The following LAMA1 variants were observed in gnomAD, a reference collection of about 807,000 sequenced individuals.
LAMA1 encodes the protein laminin subunit alpha-1.
A neutral mutation model predicts 348.7 loss-of-function variants in LAMA1; 219 were observed. The ratio of observed to expected loss-of-function variants is 0.63; its 90% confidence interval spans 0.56 to 0.70. LAMA1 has a LOEUF of 0.70. Ranked by LOEUF, LAMA1 falls within the 30% of genes least tolerant of loss-of-function variation. The probability of loss-of-function intolerance (pLI) is 0.00; values close to 1 mark genes in which losing one functional copy is unlikely to be tolerated. For missense variants in LAMA1, 3,744 were observed against 3,888.0 expected (o/e 0.96, Z 0.99); for synonymous variants, 1,487 against 1,491.0 (o/e 1.00, Z 0.06).
intron 3 of LAMA1, among the ~76,000 whole-genome samples, chr18:7,056,698 C>T (rs9963821): frequency 0.24 from 37,139 of 152,014 alleles, 5,760 homozygotes; most frequent in African/African-American, 0.45. Context: ...CTACATTCAC[C>T]TGGAGACCGG....
intron 30 of LAMA1, among the ~76,000 whole-genome samples, chr18:7,000,559 C>G (rs1447275542): frequency 1.3e-5 from 2 of 152,194 alleles, no homozygotes; most frequent in Non-Finnish European, 2.9e-5. Context: ...AATGACAGAG[C>G]CTCTCAAAGT....
At chr18:6,966,664 A>G (rs2057634767) in intron 48 of LAMA1, among the ~76,000 whole-genome samples, 1 of 152,150 alleles carries the variant, frequency 6.6e-6, no homozygotes, top group Non-Finnish European at 1.5e-5. Context: ...TTTTATATTG[A>G]CATTTTCACT....
chr18:7,013,258 C>G (rs1358004035), intron 23 of LAMA1, among the ~76,000 whole-genome samples: 1 of 152,052 alleles, frequency 6.6e-6, no homozygotes, highest in Non-Finnish European at 1.5e-5. Flanking sequence ...TCCAGTCACC[C>G]ATCAGCTCAT....
intron 1 of LAMA1, among the ~76,000 whole-genome samples, chr18:7,092,541 C>T (rs948470347): frequency 6.6e-6 from 1 of 150,762 alleles, no homozygotes; most frequent in African/African-American, 2.4e-5. Context: ...AGGAGAATCA[C>T]TTGAACCCAG....
At chr18:6,979,367 C>T (rs1167459385) in intron 42 of LAMA1, among the ~76,000 whole-genome samples, 1 of 151,812 alleles carries the variant, frequency 6.6e-6, no homozygotes, top group African/African-American at 2.4e-5. Flanking sequence ...TCAAAAGATG[C>T]TTATTAAGAA....
At chr18:6,988,895 G>A (rs11660261) in intron 36 of LAMA1, among the ~76,000 whole-genome samples, 2,927 of 137,786 alleles carry the variant, frequency 0.021, 32 homozygotes, top group Middle Eastern at 0.056. Flanking sequence ...ACAATAATCC[G>A]AAGTGTACAG....
chr18:6,952,606 G>C (rs1600343239), intron 57 of LAMA1, among the ~76,000 whole-genome samples: 1 of 152,200 alleles, frequency 6.6e-6, no homozygotes, highest in East Asian at 1.9e-4. Context: ...AGTCAACTGA[G>C]GTCTGAAAAT....
chr18:6,997,634 G>C (rs2057787697), intron 33 of LAMA1, 108 bp downstream of exon 33: 1 of 1,194,268 alleles, frequency 8.4e-7, no homozygotes, highest in Non-Finnish European at 1.2e-6. Context: ...GATGGAAGTT[G>C]GGCTCTCACA....
intron 1 of LAMA1, among the ~76,000 whole-genome samples, chr18:7,103,337 G>A (rs557893695): frequency 7.9e-5 from 12 of 152,006 alleles, no homozygotes; most frequent in South Asian, 4.2e-4. Flanking sequence ...CCCAGGAGGC[G>A]GAGCTTGCAG....
At chr18:6,990,516 C>T (rs185245599) in intron 36 of LAMA1, among the ~76,000 whole-genome samples, 2 of 152,262 alleles carry the variant, frequency 1.3e-5, no homozygotes, top group East Asian at 1.9e-4. Context: ...TCCTGGGAAG[C>T]CCTGGTTGGA....
intron 3 of LAMA1, among the ~76,000 whole-genome samples, chr18:7,070,738 T>C (rs1448630346): frequency 1.3e-5 from 2 of 152,154 alleles, no homozygotes; most frequent in Non-Finnish European, 2.9e-5. Context: ...TTATTTTCAA[T>C]GCCATAGGGA....
At chr18:7,009,068 G>T (rs2057846635) in intron 27 of LAMA1, among the ~76,000 whole-genome samples, 171 bp downstream of exon 27, 1 of 152,112 alleles carries the variant, frequency 6.6e-6, no homozygotes, top group Non-Finnish European at 1.5e-5. Flanking sequence ...GATACTTTAA[G>T]TTATAATTCG....
Position 7,010,194 on chromosome 18 carries a change from T to C in LAMA1, c.3873+6A>G. On this transcript the variant is annotated splice_donor_region_variant and intron_variant, in intron 26 of 62. Coordinates refer to ENST00000389658, the MANE Select transcript of LAMA1 (RefSeq NM_005559.4). ...AGGAACTTCTATGAAAAGATCCCAT[T>C]ATCACCTCTCTCATTGCTACTTCTT... 2 of 1,614,014 alleles carry C rather than the reference T, an allele frequency of 1.2e-6. No homozygotes were observed. The highest frequency in any genetic ancestry group is 1.7e-6 in the Non-Finnish European group (2 of 1,179,896).
intron 16 of LAMA1, among the ~76,000 whole-genome samples, 165 bp downstream of exon 16, chr18:7,031,901 A>C (rs955866271): frequency 6.6e-6 from 1 of 151,352 alleles, no homozygotes; most frequent in African/African-American, 2.4e-5. Flanking sequence ...AAAAAAAAAA[A>C]CGGGAAACAT....
rs776974906 is a variant in LAMA1 at position 7,012,042 on chromosome 18, C to T, written c.3460G>A (p.Gly1154Arg). The T allele has an allele frequency of 1.8e-5, 29 of 1,611,222 alleles. No individual in the cohort carries two copies. The highest frequency in any genetic ancestry group is 2.5e-5 in the Non-Finnish European group (29 of 1,178,616). ...AGCTCTGAGCAGAGGTGGGACAGCC[C>T]GGAGCAGAAGCACGGGCTGCAGCCC... ...PLGCSPCFCS[G>R]LSHLCSELED... Residue 1154 changes from glycine (G) to arginine (R), a missense_variant, in exon 24 of 63, where the codon GGG becomes AGG. Physicochemically the swap from Gly to Arg is moderately radical, Grantham distance 125. Transcript: ENST00000389658.
chr18:6,987,093 A>G (rs140036417), intron 36 of LAMA1, among the ~76,000 whole-genome samples: 1 of 152,196 alleles, frequency 6.6e-6, no homozygotes, highest in Admixed American at 6.5e-5. Flanking sequence ...AGCTCTGATG[A>G]TTTTATAAAT....
At chr18:7,050,991 G>C (rs1000297363) in intron 3 of LAMA1, 55 bp from the exon 4 acceptor site, 162 of 1,601,210 alleles carry the variant, frequency 1.0e-4, no homozygotes, top group Middle Eastern at 1.6e-4. Flanking sequence ...GCCAGGCACA[G>C]AATGAGAGCT....
rs546637290 is a variant in LAMA1, at chr18:6,950,631, T to G, written c.8397+151A>C. 3.4e-5 allele frequency: 31 copies of G among 907,330 alleles called. No homozygotes were observed. The African/African-American group carries it at 4.2e-4, about 12-fold the overall frequency. 56.2% of individuals were successfully genotyped at this position (907,330 alleles called of 1,614,324 possible). A position where few individuals can be genotyped will look rare whatever the true frequency, so the allele number is the denominator to read the frequency against. The stretch of plus-strand genomic sequence containing the variant: ...TTCGGAAGCAGAAAAGATCCCTGCC[T>G]TCAAGACTTGTAGTCTCTGGGGGAG... On this transcript the variant is annotated intron_variant, in intron 58 of 62. Coordinates refer to ENST00000389658, the MANE Select transcript of LAMA1 (RefSeq NM_005559.4).
chr18:7,026,446 G>A, intron 16 of LAMA1, among the ~76,000 whole-genome samples: 1 of 152,160 alleles, frequency 6.6e-6, no homozygotes, highest in East Asian at 1.9e-4. Context: ...AGTGGGATAT[G>A]CACGTGGTCT....
Sources: allele counts gnomAD v4.1 joint callset (sites outside exome capture counted in the v4.1 genomes callset), GRCh38; gene constraint gnomAD v4.1.1; transcripts MANE v1.5; gene names NCBI Gene and HGNC (gene_info 2026-07-23, HGNC 2026-07-21).